The following RSPH14 variants were observed in gnomAD, a reference collection of about 807,000 sequenced individuals.
The protein encoded by RSPH14 is radial spoke head 14 homolog, also known as rhabdoid tumor deletion region gene 1.
In RSPH14, 20 loss-of-function variants were observed where a neutral mutation model predicts 26.7. The ratio of observed to expected loss-of-function variants is 0.75; its 90% CI spans 0.53 to 1.09. RSPH14 has a LOEUF of 1.09. Ranked by LOEUF, RSPH14 falls within the 50% of genes least tolerant of loss-of-function variation. The pLI is 0.00. For missense variants in RSPH14, 449 were observed against 457.2 expected (o/e 0.98, Z 0.16); for synonymous variants, 177 against 189.3 (o/e 0.93, Z 0.53).
chr22:23,108,257 C>T (rs538566139), intron 4 of RSPH14, among the ~76,000 whole-genome samples: 3 of 152,354 alleles, frequency 2.0e-5, no homozygotes, highest in East Asian at 3.9e-4. Flanking sequence ...CAGGGGAGAG[C>T]GGTCCCCAAG....
upstream of RSPH14, among the ~76,000 whole-genome samples, chr22:23,147,018 G>A (rs1423675289): frequency 6.6e-6 from 1 of 152,156 alleles, no homozygotes; most frequent in South Asian, 2.1e-4. Flanking sequence ...GTTACATGAA[G>A]GTAATTCCTC....
chr22:23,091,618 G>A (rs925837349), intron 4 of RSPH14, among the ~76,000 whole-genome samples: 35 of 135,774 alleles, frequency 2.6e-4, no homozygotes, highest in African/African-American at 9.6e-4. Context: ...ACACGCATAT[G>A]CACCGCAATG....
intron 4 of RSPH14, among the ~76,000 whole-genome samples, chr22:23,102,615 G>T (rs949510546): frequency 2.0e-5 from 3 of 152,240 alleles, no homozygotes; most frequent in Non-Finnish European, 2.9e-5. Flanking sequence ...CCCCACACCT[G>T]CTCTGCCTGC....
the RSPH14 span, chr22:23,161,443 C>T: frequency 1.4e-6 from 2 of 1,444,980 alleles, no homozygotes; most frequent in South Asian, 1.2e-5. Flanking sequence ...CATCCCCTGC[C>T]CAGTGTCAGC....
chr22:23,139,416 T>C (rs938501887), intron 2 of RSPH14, among the ~76,000 whole-genome samples: 2 of 151,730 alleles, frequency 1.3e-5, no homozygotes, highest in Admixed American at 1.3e-4. Context: ...AGATCAGGAG[T>C]TCAAGACCAG....
chr22:23,136,681 T>G (rs1457985751), intron 3 of RSPH14, among the ~76,000 whole-genome samples: 1 of 139,322 alleles, frequency 7.2e-6, no homozygotes, highest in Non-Finnish European at 1.6e-5. Context: ...ATTGCAAAAC[T>G]GCAATTACTT....
chr22:23,154,233 T>C, the RSPH14 span, among the ~76,000 whole-genome samples: 6 of 152,140 alleles, frequency 3.9e-5, no homozygotes, highest in Non-Finnish European at 8.8e-5. Flanking sequence ...CCTACATGGC[T>C]AGCCCCGCCC....
At chr22:23,158,900 AG>A in the RSPH14 span, 1 of 1,613,970 alleles carries the variant, frequency 6.2e-7, no homozygotes. Flanking sequence ...CACTCCAGGC[AG>A]TGGTTGGAGG....
rs1340709219 is a variant in RSPH14 at position 23,063,961 on chromosome 22, C to T, written c.594G>A (p.Lys198=). Reference sequence around the variant, plus strand: ...GGATGTTCTGGTTGGCGCTGAGGAGCTTCTGCTTCAGGACAAGCACCACAT... The same window carrying T: ...GGATGTTCTGGTTGGCGCTGAGGAGTTTCTGCTTCAGGACAAGCACCACAT... The part of the protein sequence containing the change: ...GSNVVLVLKQ[K]LLSANQNIRS... The change falls in exon 5 of 7, where the codon AAG becomes AAA. Residue 198 remains lysine (K), a synonymous_variant. Coordinates refer to ENST00000216036, the MANE Select transcript of RSPH14 (RefSeq NM_014433.3). 2 of 1,614,088 alleles carry T rather than the reference C, an allele frequency of 1.2e-6. No individual in the cohort carries two copies. The highest frequency in any genetic ancestry group is 1.3e-5 in the African/African-American group (1 of 74,926).
At chr22:23,128,094 C>G (rs1455599127) in intron 4 of RSPH14, among the ~76,000 whole-genome samples, 2 of 152,190 alleles carry the variant, frequency 1.3e-5, no homozygotes, top group Admixed American at 1.3e-4. Flanking sequence ...AGGGCCAGAA[C>G]AGACTCACAG....
chr22:23,146,622 G>A (rs772221348), upstream of RSPH14: 6 of 1,614,012 alleles, frequency 3.7e-6, no homozygotes, highest in South Asian at 6.6e-5. Flanking sequence ...GAAGAATGAG[G>A]TCCTCCCTGA....
chr22:23,082,354 G>A (rs1351744206), intron 4 of RSPH14, among the ~76,000 whole-genome samples: 1 of 150,242 alleles, frequency 6.7e-6, no homozygotes, highest in East Asian at 2.0e-4. Flanking sequence ...TGGGATTACA[G>A]GCGCACACCA....
At chr22:23,171,756 C>T in the RSPH14 span, among the ~76,000 whole-genome samples, 10 of 146,924 alleles carry the variant, frequency 6.8e-5, no homozygotes, top group South Asian at 2.2e-4. Context: ...GCAAGAGAAT[C>T]GCTTGAAACT....
At chr22:23,157,908 C>T in the RSPH14 span, 1 of 1,597,430 alleles carries the variant, frequency 6.3e-7, no homozygotes, top group Non-Finnish European at 8.5e-7. Context: ...CTGGCAGTTC[C>T]TTGGGAGCTG....
At chr22:23,068,428 T>C (rs2068261051) in intron 4 of RSPH14, among the ~76,000 whole-genome samples, 1 of 152,266 alleles carries the variant, frequency 6.6e-6, no homozygotes, top group African/African-American at 2.4e-5. Context: ...AGGGCCGGTC[T>C]GAATCCTAGA....
At chr22:23,158,185 G>T in the RSPH14 span, 34 of 1,496,598 alleles carry the variant, frequency 2.3e-5, 2 homozygotes, top group South Asian at 4.4e-4. Context: ...GCTGCCCACG[G>T]ACTACTTACT....
intron 4 of RSPH14, among the ~76,000 whole-genome samples, chr22:23,075,204 C>T (rs982454111): frequency 2.0e-5 from 3 of 152,156 alleles, no homozygotes; most frequent in African/African-American, 7.2e-5. Flanking sequence ...CACAGCATTT[C>T]TCCTCCCTTC....
At chr22:23,179,461 T>A in the RSPH14 span, among the ~76,000 whole-genome samples, 2 of 152,320 alleles carry the variant, frequency 1.3e-5, no homozygotes, top group African/African-American at 4.8e-5. Flanking sequence ...TTTCACTCCC[T>A]GCTCTGGGCT....
chr22:23,145,443 G>C, upstream of RSPH14: 1 of 1,610,776 alleles, frequency 6.2e-7, no homozygotes, highest in Non-Finnish European at 8.5e-7. Flanking sequence ...CGACGTCGAC[G>C]ATTCGTGTAG....
Sources: allele counts gnomAD v4.1 joint callset (sites outside exome capture counted in the v4.1 genomes callset), GRCh38; gene constraint gnomAD v4.1.1; transcripts MANE v1.5; gene names NCBI Gene and HGNC (gene_info 2026-07-23, HGNC 2026-07-21).